Variants in NDST4 observed in about 807,000 individuals in gnomAD.
NDST4 encodes N-deacetylase and N-sulfotransferase 4, also known as N-heparan sulfate sulfotransferase 4.
A neutral mutation model predicts 100.8 loss-of-function variants in NDST4; 63 were observed. The ratio of observed to expected loss-of-function variants is 0.62; its 90% CI spans 0.51 to 0.77. NDST4 has a LOEUF of 0.77. Ranked by LOEUF, NDST4 falls within the 30% of genes least tolerant of loss-of-function variation. The pLI is 0.00. For synonymous variants in NDST4, 377 were observed against 361.8 expected (o/e 1.04, Z -0.48); for missense variants, 943 against 1,018.4 (o/e 0.93, Z 1.01).
At chr4:114,833,225 T>C (rs1197660706) in intron 12 of NDST4, among the ~76,000 whole-genome samples, 1 of 152,216 alleles carries the variant, frequency 6.6e-6, no homozygotes, top group African/African-American at 2.4e-5. Flanking sequence ...CCCAATTCTG[T>C]CCTACATATT....
At chr4:115,010,590 G>A (rs1727521450) in intron 2 of NDST4, among the ~76,000 whole-genome samples, 1 of 128,152 alleles carries the variant, frequency 7.8e-6, no homozygotes, top group Non-Finnish European at 1.7e-5. Context: ...TATGCTAAAT[G>A]ACGAGTTAAT....
intron 2 of NDST4, among the ~76,000 whole-genome samples, chr4:115,036,374 TATA>T (rs1347044244): frequency 1.3e-5 from 2 of 150,112 alleles, no homozygotes; most frequent in Non-Finnish European, 3.0e-5. Context: ...ATAAATTTAA[TATA>T]AACTATATAT....
intron 2 of NDST4, among the ~76,000 whole-genome samples, chr4:115,062,594 T>A (rs1728848378): frequency 6.6e-6 from 1 of 151,618 alleles, no homozygotes; most frequent in South Asian, 2.1e-4. Flanking sequence ...TGCAAGCATA[T>A]CAGGCATTAA....
At chr4:114,947,322 A>G (rs1018484517) in intron 4 of NDST4, among the ~76,000 whole-genome samples, 1 of 152,206 alleles carries the variant, frequency 6.6e-6, no homozygotes, top group Non-Finnish European at 1.5e-5. Context: ...ATGAATGCTT[A>G]CTATGATTGG....
chr4:114,938,697 C>T (rs1301954434), intron 4 of NDST4, among the ~76,000 whole-genome samples: 2 of 152,190 alleles, frequency 1.3e-5, no homozygotes, highest in African/African-American at 4.8e-5. Flanking sequence ...GAATGGATCA[C>T]ATATCTACAA....
intron 2 of NDST4, among the ~76,000 whole-genome samples, chr4:114,994,606 G>T (rs1009653862): frequency 6.6e-5 from 10 of 152,130 alleles, no homozygotes; most frequent in Non-Finnish European, 1.3e-4. Context: ...ATTACTGTCA[G>T]TTGACTGAGA....
intron 2 of NDST4, among the ~76,000 whole-genome samples, chr4:115,021,930 A>G (rs1046790100): frequency 2.6e-5 from 4 of 151,936 alleles, no homozygotes; most frequent in Non-Finnish European, 4.4e-5. Context: ...CCACATCTAT[A>G]CACATTCCAT....
chr4:114,916,972 A>T (rs1725187660), intron 6 of NDST4, among the ~76,000 whole-genome samples: 2 of 152,160 alleles, frequency 1.3e-5, no homozygotes, highest in African/African-American at 4.8e-5. Context: ...TGTGAGGTGA[A>T]CATGGAATTC....
chr4:114,970,497 T>C lies in NDST4; in HGVS notation c.1154A>G (p.Gln385Arg). 6.2e-7 allele frequency: 1 copy of C among 1,614,012 alleles called. No homozygotes were observed. The highest frequency in any genetic ancestry group is 8.5e-7 in the Non-Finnish European group (1 of 1,179,878). Residue 385 changes from glutamine to arginine, a missense_variant, in exon 4 of 14, where the codon CAG becomes CGG. Transcript: ENST00000264363. The part of the protein sequence containing the change: ...WWFPHMWSHM[Q>R]PHLFHNESSL... ...TGACTCGTTGTGGAAGAGGTGGGGC[T>C]GCATGTGGCTCCACATGTGAGGAAA...
intron 2 of NDST4, among the ~76,000 whole-genome samples, chr4:115,014,603 A>G (rs1286342244): frequency 6.6e-6 from 1 of 152,036 alleles, no homozygotes; most frequent in Non-Finnish European, 1.5e-5. Context: ...CTCTGCAGTA[A>G]GTCCAGGCTA....
At chr4:114,903,661 G>T (rs918791052) in intron 6 of NDST4, among the ~76,000 whole-genome samples, 1 of 151,976 alleles carries the variant, frequency 6.6e-6, no homozygotes, top group East Asian at 1.9e-4. Context: ...TGTTTAGTTT[G>T]TTCAGCTTTG....
intron 6 of NDST4, among the ~76,000 whole-genome samples, chr4:114,931,792 T>C (rs1299927740): frequency 1.3e-5 from 2 of 151,732 alleles, no homozygotes; most frequent in East Asian, 1.9e-4. Context: ...GATTGAGTCA[T>C]GAAGAAATAG....
At chr4:114,838,763 T>C (rs1355079499) in intron 11 of NDST4, among the ~76,000 whole-genome samples, 1 of 151,356 alleles carries the variant, frequency 6.6e-6, no homozygotes, top group East Asian at 1.9e-4. Flanking sequence ...ACATGTATAC[T>C]TATGTAACAA....
At chr4:115,021,775 T>G (rs1272133083) in intron 2 of NDST4, among the ~76,000 whole-genome samples, 1 of 150,288 alleles carries the variant, frequency 6.7e-6, no homozygotes, top group Non-Finnish European at 1.5e-5. Flanking sequence ...TCTATACACA[T>G]TCCATATATA....
intron 7 of NDST4, 136 bp downstream of exon 7, chr4:114,870,632 T>TA (rs1160076324): frequency 1.5e-6 from 1 of 656,682 alleles, no homozygotes; most frequent in African/African-American, 1.9e-5. Context: ...AGGAAGAGGA[T>TA]AAAAGTATTG....
At chr4:115,046,617 T>C (rs186015968) in intron 2 of NDST4, among the ~76,000 whole-genome samples, 1 of 151,816 alleles carries the variant, frequency 6.6e-6, no homozygotes, top group Non-Finnish European at 1.5e-5. Flanking sequence ...TTTCCCTGTG[T>C]GATGTGTGTG....
intron 13 of NDST4, among the ~76,000 whole-genome samples, chr4:114,828,469 G>A (rs1217775583): frequency 1.3e-5 from 2 of 151,836 alleles, no homozygotes; most frequent in African/African-American, 2.4e-5. Context: ...AGAGCTTTTG[G>A]TTTCCAAAAT....
intron 1 of NDST4, among the ~76,000 whole-genome samples, chr4:115,094,454 A>C (rs1002243883): frequency 4.6e-5 from 7 of 152,094 alleles, no homozygotes; most frequent in African/African-American, 1.7e-4. Context: ...AGAAAACACA[A>C]AAAAAATTAC....
chr4:114,970,949 A>G (rs572427766), intron 3 of NDST4, among the ~76,000 whole-genome samples: 1 of 152,244 alleles, frequency 6.6e-6, no homozygotes, highest in African/African-American at 2.4e-5. Context: ...TTTAACTCAT[A>G]ACATTTGTTA....
Sources: allele counts gnomAD v4.1 joint callset (sites outside exome capture counted in the v4.1 genomes callset), GRCh38; gene constraint gnomAD v4.1.1; transcripts MANE v1.5; gene names NCBI Gene and HGNC (gene_info 2026-07-23, HGNC 2026-07-21).